Variants in GHR observed in about 807,000 individuals in gnomAD.
GHR encodes the protein growth hormone receptor.
A neutral mutation model predicts 67.1 loss-of-function variants in GHR; 35 were observed. That is an observed-to-expected ratio of 0.52 (90% CI 0.40 to 0.69). The LOEUF (loss-of-function observed/expected upper bound fraction) is 0.69, where lower values mean the gene tolerates loss of function less well. GHR is among the 30% of genes least tolerant of loss of function. The pLI, the probability that GHR is intolerant of heterozygous loss-of-function variation, is 0.00. For missense variants in GHR, 792 were observed against 764.6 expected, an observed-to-expected ratio of 1.04 and a Z score of -0.42; for synonymous variants, 272 against 269.1, an observed-to-expected ratio of 1.01 and a Z score of -0.10.
chr5:42,703,235 A>T (rs779960499), intron 6 of GHR, among the ~76,000 whole-genome samples: 1 of 151,990 alleles, frequency 6.6e-6, no homozygotes. Flanking sequence ...ATTTTTGTAT[A>T]TGAGGTAAAA....
intron 3 of GHR, among the ~76,000 whole-genome samples, chr5:42,632,399 G>A (rs1753971903): frequency 6.6e-6 from 1 of 152,154 alleles, no homozygotes; most frequent in South Asian, 2.1e-4. Flanking sequence ...AGTAGCTCTG[G>A]AGAGACACAT....
At chr5:42,577,790 G>A (rs981307882) in intron 2 of GHR, among the ~76,000 whole-genome samples, 2 of 152,160 alleles carry the variant, frequency 1.3e-5, no homozygotes, top group African/African-American at 4.8e-5. Context: ...AATACAAAAA[G>A]GATTGACAAA....
At chr5:42,487,585 C>T (rs956761744) in intron 1 of GHR, among the ~76,000 whole-genome samples, 6 of 152,152 alleles carry the variant, frequency 3.9e-5, no homozygotes, top group African/African-American at 4.8e-5. Context: ...TCAACAGAAG[C>T]GACCTGCCAT....
intron 3 of GHR, among the ~76,000 whole-genome samples, chr5:42,668,965 C>G (rs958257319): frequency 6.6e-6 from 1 of 152,076 alleles, no homozygotes; most frequent in African/African-American, 2.4e-5. Context: ...TTTTTAAAAT[C>G]TGAACATAGA....
At chr5:42,447,191 G>T (rs1008133148) in intron 1 of GHR, among the ~76,000 whole-genome samples, 1 of 151,886 alleles carries the variant, frequency 6.6e-6, no homozygotes, top group Non-Finnish European at 1.5e-5. Context: ...GTGGTTTTTG[G>T]TTCCACGAAT....
intron 1 of GHR, among the ~76,000 whole-genome samples, chr5:42,475,223 C>A (rs1561326531): frequency 6.6e-6 from 1 of 152,050 alleles, no homozygotes; most frequent in East Asian, 1.9e-4. Flanking sequence ...TTAAGTCTTT[C>A]TGTGGGTTAA....
chr5:42,539,051 T>C (rs1400024204), intron 1 of GHR, among the ~76,000 whole-genome samples: 1 of 152,176 alleles, frequency 6.6e-6, no homozygotes, highest in Admixed American at 6.5e-5. Context: ...TTATGCTACC[T>C]ATTTCCTTAA....
At chr5:42,654,947 C>A (rs1308117805) in intron 3 of GHR, among the ~76,000 whole-genome samples, 1 of 152,038 alleles carries the variant, frequency 6.6e-6, no homozygotes, top group Non-Finnish European at 1.5e-5. Context: ...ATTATCATGG[C>A]CTTGAAACTC....
At chr5:42,470,962 A>AC (rs1561323102) in intron 1 of GHR, among the ~76,000 whole-genome samples, 1 of 152,090 alleles carries the variant, frequency 6.6e-6, no homozygotes, top group Non-Finnish European at 1.5e-5. Context: ...ATTTTGAAAA[A>AC]AATTTTCATT....
chr5:42,577,765 C>G (rs967203763), intron 2 of GHR, among the ~76,000 whole-genome samples: 9 of 152,262 alleles, frequency 5.9e-5, no homozygotes, highest in Admixed American at 5.2e-4. Flanking sequence ...TAGCTACACC[C>G]AAGAGCCTTT....
intron 1 of GHR, among the ~76,000 whole-genome samples, chr5:42,427,467 T>C (rs1742903506): frequency 6.6e-6 from 1 of 152,208 alleles, no homozygotes; most frequent in South Asian, 2.1e-4. Flanking sequence ...CATGATTTAA[T>C]CAACTCCTAC....
At chr5:42,426,651 A>G (rs777238334) in intron 1 of GHR, among the ~76,000 whole-genome samples, 34 of 152,230 alleles carry the variant, frequency 2.2e-4, no homozygotes, top group South Asian at 8.3e-4. Flanking sequence ...ATGAGCATTC[A>G]AATCTCCTAA....
At chr5:42,482,784 C>T (rs1036432714) in intron 1 of GHR, among the ~76,000 whole-genome samples, 1 of 152,104 alleles carries the variant, frequency 6.6e-6, no homozygotes, top group Admixed American at 6.6e-5. Flanking sequence ...GTCTGTCACC[C>T]CTTTCTTTGA....
intron 1 of GHR, among the ~76,000 whole-genome samples, chr5:42,559,030 C>T (rs1039219352): frequency 6.6e-6 from 1 of 152,136 alleles, no homozygotes; most frequent in African/African-American, 2.4e-5. Flanking sequence ...ATCATAAATA[C>T]TTGATCTGCA....
chr5:42,540,219 C>CTG (rs1491515378), intron 1 of GHR, among the ~76,000 whole-genome samples: 2 of 148,790 alleles, frequency 1.3e-5, no homozygotes, highest in Admixed American at 1.3e-4. Flanking sequence ...CTCTCTCTCT[C>CTG]TGTATCTCTC....
At chr5:42,547,734 T>G (rs558968414) in intron 1 of GHR, among the ~76,000 whole-genome samples, 71 of 152,230 alleles carry the variant, frequency 4.7e-4, no homozygotes, top group Non-Finnish European at 9.1e-4. Context: ...CTAGGGGTTT[T>G]CTGTAAACTA....
intron 3 of GHR, among the ~76,000 whole-genome samples, chr5:42,644,867 C>T (rs907350041): frequency 2.0e-5 from 3 of 151,968 alleles, no homozygotes; most frequent in African/African-American, 7.3e-5. Flanking sequence ...AGAATAATCC[C>T]TCATGAACAG....
At chr5:42,589,669 G>A (rs1751671425) in intron 2 of GHR, among the ~76,000 whole-genome samples, 1 of 152,132 alleles carries the variant, frequency 6.6e-6, no homozygotes, top group African/African-American at 2.4e-5. Flanking sequence ...TTCTTTTAGT[G>A]CATTGTGAAT....
At chr5:42,659,583 T>A (rs1229199341) in intron 3 of GHR, among the ~76,000 whole-genome samples, 1 of 152,110 alleles carries the variant, frequency 6.6e-6, no homozygotes, top group East Asian at 1.9e-4. Context: ...AGGACATACC[T>A]GAGACTGGGT....
Sources: gnomAD v4.1 joint callset for allele counts (sites outside exome capture counted in the v4.1 genomes callset) on GRCh38, gnomAD v4.1.1 for gene constraint, MANE v1.5 for transcripts, NCBI Gene and HGNC (gene_info 2026-07-23, HGNC 2026-07-21) for gene names.